Variants in RORB observed in about 807,000 individuals in gnomAD.
RORB encodes nuclear receptor ROR-beta.
In RORB, 6 loss-of-function variants were observed where a neutral mutation model predicts 59.1. That is an observed-to-expected ratio of 0.10 (90% CI 0.06 to 0.20). The LOEUF is 0.20. RORB is among the 10% of genes least tolerant of loss of function. The pLI is 1.00. For missense variants in RORB, 320 were observed against 560.5 expected, an observed-to-expected ratio of 0.57 and a Z score of 4.33; for synonymous variants, 215 against 204.5, an observed-to-expected ratio of 1.05 and a Z score of -0.44.
At chr9:74,562,368 T>C (rs1822408325) in intron 1 of RORB, among the ~76,000 whole-genome samples, 1 of 152,194 alleles carries the variant, frequency 6.6e-6, no homozygotes, top group Admixed American at 6.5e-5. Flanking sequence ...ATCTTCTCTG[T>C]GTGTATGTAT....
intron 1 of RORB, among the ~76,000 whole-genome samples, chr9:74,600,296 A>G (rs1823035087): frequency 6.6e-6 from 1 of 152,248 alleles, no homozygotes; most frequent in African/African-American, 2.4e-5. Context: ...ATGATCAAAA[A>G]ATCTTGGACA....
Position 74,550,146 on chromosome 9 carries a change from T to C in RORB, c.7+52163T>C, listed in dbSNP as rs116250807. ...CTTAAGTATTGTAAAATATTTTATG[T>C]TGTACCACTGTTAAATAATTTGATA... On this transcript the variant is annotated intron_variant, in intron 1 of 9. Transcript: ENST00000376896. 2.2e-4 allele frequency among the ~76,000 whole-genome samples: 34 copies of C among 152,354 alleles called. No individual in the cohort carries two copies. In the East Asian group the frequency reaches 5.4e-3, roughly 24 times the overall value.
rs983580988 is a variant in RORB, at chr9:74,554,657, TG to T, written c.7+56675del. 7.3e-4 allele frequency among the ~76,000 whole-genome samples: 111 copies of T among 152,202 alleles called. 1 individual carries two copies. The highest frequency in any genetic ancestry group is 2.9e-4 in the Non-Finnish European group (20 of 67,962). ...ATAGCTTCAATACAAGCTTTCTGTT[TG>T]TTTGTTTGTTGAGGACTGAATTAAT... On this transcript the variant is annotated intron_variant, in intron 1 of 9. Transcript: ENST00000376896.
intron 1 of RORB, among the ~76,000 whole-genome samples, chr9:74,560,631 C>A (rs2118190725): frequency 6.6e-6 from 1 of 151,876 alleles, no homozygotes; most frequent in East Asian, 1.9e-4. Context: ...TTCCAAAGAT[C>A]TTAGTCATTC....
intron 1 of RORB, among the ~76,000 whole-genome samples, chr9:74,539,228 A>T (rs1826367613): frequency 6.6e-6 from 1 of 152,178 alleles, no homozygotes; most frequent in African/African-American, 2.4e-5. Context: ...ACAGCAGAAA[A>T]TTGTAAGCAA....
intron 1 of RORB, among the ~76,000 whole-genome samples, chr9:74,620,743 G>C (rs1823400951): frequency 6.6e-6 from 1 of 152,114 alleles, no homozygotes; most frequent in African/African-American, 2.4e-5. Context: ...CTGGTATGTT[G>C]TGTCTTTGTT....
chr9:74,501,097 G>A (rs1587328306), intron 1 of RORB, among the ~76,000 whole-genome samples: 1 of 152,076 alleles, frequency 6.6e-6, no homozygotes, highest in Non-Finnish European at 1.5e-5. Flanking sequence ...ACACAGGGGC[G>A]CGGAAATGGT....
chr9:74,552,381 G>A (rs1563935497), intron 1 of RORB, among the ~76,000 whole-genome samples: 1 of 152,116 alleles, frequency 6.6e-6, no homozygotes, highest in Non-Finnish European at 1.5e-5. Context: ...TCCTGGCCAT[G>A]TACTTCCTGG....
intron 1 of RORB, among the ~76,000 whole-genome samples, chr9:74,542,076 TA>T (rs113424318): frequency 1.3e-4 from 20 of 150,926 alleles, no homozygotes; most frequent in Admixed American, 2.6e-4. Context: ...GCAATCCTCT[TA>T]AAAAAAAATG....
At chr9:74,620,990 CTT>C (rs1039688833) in intron 1 of RORB, among the ~76,000 whole-genome samples, 9 of 152,186 alleles carry the variant, frequency 5.9e-5, no homozygotes, top group African/African-American at 2.2e-4. Flanking sequence ...TTTAGCACCA[CTT>C]TAGATTTACA....
chr9:74,559,999 A>G (rs1447871942), intron 1 of RORB, among the ~76,000 whole-genome samples: 1 of 152,214 alleles, frequency 6.6e-6, no homozygotes, highest in Non-Finnish European at 1.5e-5. Flanking sequence ...TTAATATTGA[A>G]TAGTCATATG....
At chr9:74,635,564 C>T (rs775379219) in intron 3 of RORB, among the ~76,000 whole-genome samples, 5 of 152,214 alleles carry the variant, frequency 3.3e-5, no homozygotes, top group Non-Finnish European at 5.9e-5. Flanking sequence ...TTGTATCATA[C>T]AGTGAGTGGC....
In RORB at chr9:74,612,160, C is replaced by T. The variant is rs532644031; in HGVS notation, c.8-18122C>T. 5.3e-5 allele frequency among the ~76,000 whole-genome samples: 8 copies of T among 152,110 alleles called. No individual in the cohort carries two copies. In the South Asian group the frequency reaches 8.3e-4, roughly 16 times the overall value. Reference sequence around the variant, plus strand: ...AAATGGTCAGGGGACACTTTGCAAACGTGGTGGGAGTTGAGCTGGGTCTTC... The same window carrying T: ...AAATGGTCAGGGGACACTTTGCAAATGTGGTGGGAGTTGAGCTGGGTCTTC... On this transcript the variant is annotated intron_variant, in intron 1 of 9. Coordinates refer to ENST00000376896, the MANE Select transcript of RORB (RefSeq NM_006914.4).
At chr9:74,503,396 C>A (rs1348260195) in intron 1 of RORB, among the ~76,000 whole-genome samples, 7 of 151,956 alleles carry the variant, frequency 4.6e-5, no homozygotes, top group Non-Finnish European at 2.9e-5. Context: ...CCCACTCAGA[C>A]AAGAAGAATG....
intron 1 of RORB, among the ~76,000 whole-genome samples, chr9:74,520,580 T>G (rs1449492234): frequency 6.6e-6 from 1 of 151,964 alleles, no homozygotes; most frequent in Admixed American, 6.6e-5. Context: ...TTTTTTTTTG[T>G]TTATTAAATT....
rs1822346963 is a variant in RORB, at chr9:74,558,674, CAAAG to C, written c.7+60692_7+60695del. 3.4e-5 allele frequency among the ~76,000 whole-genome samples: 4 copies of C among 116,410 alleles called. No homozygotes were observed. In the Admixed American group the frequency reaches 3.5e-4, roughly 10 times the overall value. 76.4% of individuals were successfully genotyped at this position (116,410 alleles called of 152,430 possible). Reference sequence around the variant, plus strand: ...CAATGCAATGTAAGAAGAATAAGGACAAAGTGCTGAGAAGAGATAGAGGGAGAAA... The same window carrying C: ...CAATGCAATGTAAGAAGAATAAGGACTGCTGAGAAGAGATAGAGGGAGAAA... On this transcript the variant is annotated intron_variant, in intron 1 of 9. Coordinates refer to ENST00000376896, the MANE Select transcript of RORB (RefSeq NM_006914.4).
At chr9:74,620,242 A>G (rs1325190081) in intron 1 of RORB, among the ~76,000 whole-genome samples, 1 of 152,002 alleles carries the variant, frequency 6.6e-6, no homozygotes, top group East Asian at 1.9e-4. Flanking sequence ...TCTATTCAGG[A>G]ATTCAACTTC....
At chr9:74,658,881 A>T (rs1271771333) in intron 4 of RORB, among the ~76,000 whole-genome samples, 1 of 152,262 alleles carries the variant, frequency 6.6e-6, no homozygotes, top group African/African-American at 2.4e-5. Context: ...TATCATAAGC[A>T]GTGCAAGTCT....
At chr9:74,498,228 T>C (rs1825741421) in intron 1 of RORB, 1 of 592,480 alleles carries the variant, frequency 1.7e-6, no homozygotes, top group Admixed American at 2.9e-5. Context: ...GGAGACAGGC[T>C]AGTTGGTTCT....
Sources: gnomAD v4.1 joint callset for allele counts (sites outside exome capture counted in the v4.1 genomes callset) on GRCh38, gnomAD v4.1.1 for gene constraint, MANE v1.5 for transcripts, NCBI Gene and HGNC (gene_info 2026-07-23, HGNC 2026-07-21) for gene names.